Variants in ATRX observed in about 807,000 individuals in gnomAD.
The protein encoded by ATRX is chromatin remodeler ATRX.
ATRX carries 12 observed loss-of-function variants against 172.6 expected under a neutral mutation model. That is an observed-to-expected ratio of 0.07 (90% CI 0.04 to 0.11). The LOEUF (loss-of-function observed/expected upper bound fraction) is 0.11, where lower values mean the gene tolerates loss of function less well. Ranked by LOEUF, ATRX falls within the 10% of genes least tolerant of loss-of-function variation. The probability of loss-of-function intolerance (pLI) is 1.00; values close to 1 mark genes in which losing one functional copy is unlikely to be tolerated. For synonymous variants in ATRX, 674 were observed against 594.7 expected (o/e 1.13, Z -1.94); for missense variants, 1,368 against 1,767.4 (o/e 0.77, Z 4.05).
Position 77,552,267 on chromosome X carries a change from G to A in ATRX, c.6699+5184C>T, listed in dbSNP as rs781817687. On this transcript the variant is annotated intron_variant, in intron 30 of 34. Coordinates refer to ENST00000373344, the MANE Select transcript of ATRX (RefSeq NM_000489.6). ...GAAAATGTGGCACATATACACCATG[G>A]AATACTATGCAGCCATAAAAAATGA... 1.8e-3 allele frequency among the ~76,000 whole-genome samples: 197 copies of A among 110,436 alleles called. 2 individuals carry two copies. The highest frequency in any genetic ancestry group is 5.9e-3 in the African/African-American group (179 of 30,366).
At chrX:77,700,984 T>G (rs782329748) in intron 2 of ATRX, among the ~76,000 whole-genome samples, 1 of 112,472 alleles carries the variant, frequency 8.9e-6, no homozygotes, top group Non-Finnish European at 1.9e-5. Flanking sequence ...TATATATTTG[T>G]CAAAAATCTT....
intron 1 of ATRX, among the ~76,000 whole-genome samples, chrX:77,729,435 C>G (rs893269735): frequency 8.9e-6 from 1 of 111,910 alleles, no homozygotes; most frequent in Non-Finnish European, 1.9e-5. Flanking sequence ...GTACATAATA[C>G]ACTCATTGCT....
chrX:77,719,770 C>T (rs1326821148), intron 1 of ATRX, among the ~76,000 whole-genome samples: 1 of 111,143 alleles, frequency 9.0e-6, no homozygotes, highest in Non-Finnish European at 1.9e-5. Context: ...ATTAGACAGA[C>T]CGACAAGACG....
intron 15 of ATRX, among the ~76,000 whole-genome samples, chrX:77,642,057 C>G (rs1256330667): frequency 9.0e-6 from 1 of 110,823 alleles, no homozygotes; most frequent in Non-Finnish European, 1.9e-5. Flanking sequence ...TAAAAATTAG[C>G]AATAGGGCAT....
intron 25 of ATRX, 180 bp from the exon 26 acceptor site, chrX:77,594,029 C>T: frequency 2.3e-6 from 1 of 429,195 alleles, no homozygotes; most frequent in Non-Finnish European, 4.1e-6. Flanking sequence ...AGGACAGAGA[C>T]TATCCCAGAA....
rs185823285 is a variant in ATRX at position 77,600,312 on chromosome X, G to A, written c.5697+122C>T. ...ATACATGCAAGACATATAGAAATTAGAAATAAGACATAGAATAGAACAAAG... is the reference window on the plus strand; with the variant it reads ...ATACATGCAAGACATATAGAAATTAAAAATAAGACATAGAATAGAACAAAG... On this transcript the variant is annotated intron_variant, in intron 23 of 34. Transcript: ENST00000373344. The A allele has an allele frequency of 3.2e-4, 267 of 833,721 alleles. No individual in the cohort carries two copies. The African/African-American group carries it at 4.9e-3, about 15-fold the overall frequency. The allele number at this position is 833,721 out of a possible 1,213,427, so 68.7% of individuals were successfully genotyped here.
At chrX:77,755,533 TTTG>T (rs1377628802) in intron 1 of ATRX, among the ~76,000 whole-genome samples, 3 of 111,924 alleles carry the variant, frequency 2.7e-5, no homozygotes, top group African/African-American at 9.7e-5. Context: ...GGGGGTCCTT[TTTG>T]TTGATGTTGA....
At chrX:77,737,378 G>A (rs1466747571) in intron 1 of ATRX, among the ~76,000 whole-genome samples, 7 of 81,497 alleles carry the variant, frequency 8.6e-5, no homozygotes, top group African/African-American at 2.0e-4. Context: ...AGCCAAGATC[G>A]CACCATTGCA....
chrX:77,586,676 T>C (rs1174696704), intron 27 of ATRX, among the ~76,000 whole-genome samples: 3 of 112,107 alleles, frequency 2.7e-5, no homozygotes, highest in Non-Finnish European at 5.6e-5. Context: ...AGATCATACC[T>C]GTTGGTAAAT....
intron 28 of ATRX, 64 bp downstream of exon 28, chrX:77,574,186 A>C: frequency 1.3e-6 from 1 of 787,846 alleles, no homozygotes; most frequent in Non-Finnish European, 1.9e-6. Context: ...AAAATAGTGA[A>C]CTTTATGTAA....
chrX:77,563,937 A>C (rs1557063240), intron 28 of ATRX, among the ~76,000 whole-genome samples: 1 of 110,603 alleles, frequency 9.0e-6, no homozygotes, highest in Admixed American at 9.7e-5. Flanking sequence ...AAGGCTGAAG[A>C]ACCATGATTA....
chrX:77,683,449 C>A lies in ATRX; in HGVS notation c.1807G>T (p.Ala603Ser), dbSNP rs958366027. The part of the protein sequence containing the change: ...VSLSNSPIKG[A>S]DCQEVPQDKD... Reference sequence around the variant, plus strand: ...TCTTGTGGAACTTCCTGACAATCAGCACCTTTAATTGGGGAATTAGAAAGG... The same window carrying A: ...TCTTGTGGAACTTCCTGACAATCAGAACCTTTAATTGGGGAATTAGAAAGG... The change falls in exon 9 of 35, where the codon GCT becomes TCT. Residue 603 changes from alanine to serine, a missense_variant. By Grantham distance (99) the Ala-to-Ser change is moderately conservative. Around this residue, in one of 17 missense-constraint regions of ATRX, gnomAD observed 843 missense variants for 643.1 expected, o/e 1.31. Transcript: ENST00000373344. 8.3e-7 allele frequency: 1 copy of A among 1,210,199 alleles called. No individual in the cohort carries two copies. Among genetic ancestry groups the A allele is most frequent in the Non-Finnish European group, 1.1e-6 (1 of 893,924 alleles).
At chrX:77,724,356 C>T (rs1449211771) in intron 1 of ATRX, among the ~76,000 whole-genome samples, 1 of 108,996 alleles carries the variant, frequency 9.2e-6, no homozygotes, top group African/African-American at 3.3e-5. Flanking sequence ...GATAACTAAA[C>T]AATGCTGCCT....
At chrX:77,761,709 GTAT>G (rs1322226302) in intron 1 of ATRX, among the ~76,000 whole-genome samples, 1 of 111,255 alleles carries the variant, frequency 9.0e-6, no homozygotes, top group Non-Finnish European at 1.9e-5. Context: ...ACATGATACA[GTAT>G]TATTAACTAT....
chrX:77,686,107 A>T, intron 7 of ATRX, among the ~76,000 whole-genome samples: 1 of 112,004 alleles, frequency 8.9e-6, no homozygotes, highest in African/African-American at 3.2e-5. Context: ...AGTACAAAAA[A>T]ATACAAAGAA....
intron 6 of ATRX, chrX:77,690,704 C>T (rs2071833947): frequency 9.0e-6 from 1 of 111,658 alleles, no homozygotes; most frequent in Non-Finnish European, 1.9e-5. Flanking sequence ...TACACCACAC[C>T]ATACTTTTTC....
chrX:77,777,838 T>G (rs1359239920), intron 1 of ATRX, among the ~76,000 whole-genome samples: 1 of 110,916 alleles, frequency 9.0e-6, no homozygotes, highest in Non-Finnish European at 1.9e-5. Context: ...CAATCTTATT[T>G]AAAAGTAGGT....
At chrX:77,779,259 A>G (rs1412297806) in intron 1 of ATRX, among the ~76,000 whole-genome samples, 1 of 108,851 alleles carries the variant, frequency 9.2e-6, no homozygotes, top group African/African-American at 3.3e-5. Context: ...CTATCTCTCT[A>G]TAAAGCTTTC....
At chrX:77,639,542 C>T (rs1487070712) in intron 15 of ATRX, among the ~76,000 whole-genome samples, 4 of 111,658 alleles carry the variant, frequency 3.6e-5, no homozygotes, top group East Asian at 2.8e-4. Context: ...ACCCGTGAGA[C>T]AAATAAGTTT....
Sources: allele counts gnomAD v4.1 joint callset (sites outside exome capture counted in the v4.1 genomes callset), GRCh38; gene constraint gnomAD v4.1.1; regional missense constraint gnomAD v4.1.1; transcripts MANE v1.5; gene names NCBI Gene and HGNC (gene_info 2026-07-23, HGNC 2026-07-21).